Variants in URB1 observed in about 807,000 individuals in gnomAD.
The protein encoded by URB1 is nucleolar pre-ribosomal-associated protein 1.
A neutral mutation model predicts 242.3 loss-of-function variants in URB1; 197 were observed. The ratio of observed to expected loss-of-function variants is 0.81; its 90% CI spans 0.72 to 0.91. URB1 has a LOEUF of 0.91. Ranked by LOEUF, URB1 falls within the 40% of genes least tolerant of loss-of-function variation. URB1 has a pLI of 0.00. For synonymous variants in URB1, 1,153 were observed against 1,201.8 expected (o/e 0.96, Z 0.84); for missense variants, 2,721 against 2,860.5 (o/e 0.95, Z 1.11).
At chr21:32,360,966 C>G (rs1048922311) in intron 13 of URB1, 41 bp downstream of exon 13, 2 of 1,427,314 alleles carry the variant, frequency 1.4e-6, no homozygotes, top group Middle Eastern at 1.8e-4. Context: ...GGTTTATTGG[C>G]AGCAACAGTG....
chr21:32,382,069 G>T (rs2146052770), intron 4 of URB1, among the ~76,000 whole-genome samples: 1 of 152,324 alleles, frequency 6.6e-6, no homozygotes, highest in East Asian at 1.9e-4. Context: ...ACCCTGAGAT[G>T]AAACGGCTTG....
rs1321359773 is a variant in URB1 at position 32,314,661 on chromosome 21, C to CT, written c.*256dup. The CT allele has an allele frequency of 6.2e-7, 1 of 1,612,750 alleles. No homozygotes were observed. Among genetic ancestry groups the CT allele is most frequent in the Non-Finnish European group, 8.5e-7 (1 of 1,178,836 alleles). ...GAGGAAGGGGCGGCCTGACGAGGCACTGGATGGGCCTCATGGCCTAGAAGT... is the reference window on the plus strand; with the variant it reads ...GAGGAAGGGGCGGCCTGACGAGGCACTTGGATGGGCCTCATGGCCTAGAAGT... On this transcript the variant is annotated 3_prime_UTR_variant, in exon 39 of 39. Transcript: ENST00000382751.
In URB1 at chr21:32,357,605, G is replaced by A. The variant is rs528500762; in HGVS notation, c.1921C>T (p.Leu641=). 1.7e-5 allele frequency: 26 copies of A among 1,536,506 alleles called. No individual in the cohort carries two copies. In the African/African-American group the frequency reaches 2.9e-4, roughly 17 times the overall value. The stretch of plus-strand genomic sequence containing the variant: ...CTACTGGTCACAAACATTTTCATTA[G>A]TAAGTAAAATACTGATCGTTCACCT... ...IGGERSVFYL[L]MKMFVTSSHL... is the part of the protein sequence containing the mutation. The change falls in exon 15 of 39, where the codon CTA becomes TTA. Residue 641 remains leucine (L), a synonymous_variant. Coordinates refer to ENST00000382751, the MANE Select transcript of URB1 (RefSeq NM_014825.3).
At chr21:32,332,425 T>C (rs1442617125) in intron 30 of URB1, among the ~76,000 whole-genome samples, 2 of 122,562 alleles carry the variant, frequency 1.6e-5, no homozygotes, top group Non-Finnish European at 1.7e-5. Flanking sequence ...CAAGGACTAG[T>C]ATCTGGAATA....
At chr21:32,345,221 C>T (rs1193827716) in intron 23 of URB1, among the ~76,000 whole-genome samples, 153 bp downstream of exon 23, 2 of 152,008 alleles carry the variant, frequency 1.3e-5, no homozygotes, top group Admixed American at 6.6e-5. Context: ...AAGCTCCAGG[C>T]AGGATGGCTG....
At position 32,319,221 on chromosome 21, in the gene URB1, G is replaced by A; in HGVS notation, c.5788C>T (p.Leu1930=). The change falls in exon 36 of 39, where the codon CTG becomes TTG. Residue 1930 remains leucine (L), a synonymous_variant. Coordinates refer to ENST00000382751, the MANE Select transcript of URB1 (RefSeq NM_014825.3). ...CCTGGCGGGGGCAGGACTCACCTCAGGTGCTTCATGAGCACGATGAGAACA... is the reference window on the plus strand; with the variant it reads ...CCTGGCGGGGGCAGGACTCACCTCAAGTGCTTCATGAGCACGATGAGAACA... The part of the protein sequence containing the change: ...LYVLIVLMKH[L]RPTLAPVQLT... The A allele has an allele frequency of 1.3e-6, 2 of 1,549,132 alleles. No homozygotes were observed. The highest frequency in any genetic ancestry group is 1.7e-6 in the Non-Finnish European group (2 of 1,146,064).
rs1601114383 is a variant in URB1 at position 32,314,401 on chromosome 21, T to C, written c.*517A>G. 1.5e-6 allele frequency: 1 copy of C among 663,906 alleles called. No homozygotes were observed. Among genetic ancestry groups the C allele is most frequent in the East Asian group, 3.0e-5 (1 of 33,318 alleles). The allele number at this position is 663,906 out of a possible 1,614,324, so 41.1% of individuals were successfully genotyped here. ...GGTTTCACCATGTTGGGAAGGCTGG[T>C]TTCGAACTCCTGACCTCAGGTGATT... On this transcript the variant is annotated 3_prime_UTR_variant, in exon 39 of 39. Transcript: ENST00000382751.
At position 32,325,314 on chromosome 21, in the gene URB1, T is replaced by C; in HGVS notation, c.5036A>G (p.Asp1679Gly). Residue 1679 changes from aspartate to glycine, a missense_variant, in exon 31 of 39, where the codon GAC becomes GGC. Transcript: ENST00000382751. ...GLTVTALSSY[D>G]PQMRAIAYHV... is the part of the protein sequence containing the mutation. ...GTAGGCTATGGCTCGCATCTGGGGG[T>C]CATAGCTGCTGAGGGCTGTGACAGT... 1 of 1,551,424 alleles carries C rather than the reference T, an allele frequency of 6.4e-7. No individual in the cohort carries two copies. Among genetic ancestry groups the C allele is most frequent in the Non-Finnish European group, 8.7e-7 (1 of 1,146,934 alleles).
At chr21:32,360,289 T>C (rs2033268898) in intron 13 of URB1, among the ~76,000 whole-genome samples, 1 of 152,228 alleles carries the variant, frequency 6.6e-6, no homozygotes, top group Non-Finnish European at 1.5e-5. Context: ...TGCAGCCACC[T>C]GCACCTGAGA....
intron 23 of URB1, 90 bp from the exon 24 acceptor site, chr21:32,344,846 G>C (rs2033067740): frequency 7.2e-7 from 1 of 1,380,518 alleles, no homozygotes; most frequent in East Asian, 2.5e-5. Context: ...AGCCATATGG[G>C]ATAGATGCTG....
intron 30 of URB1, among the ~76,000 whole-genome samples, chr21:32,332,219 A>G (rs1232862668): frequency 1.3e-5 from 2 of 152,170 alleles, no homozygotes; most frequent in African/African-American, 2.4e-5. Context: ...AAACTTTTAG[A>G]TAGAAACATA....
chr21:32,329,251 G>C (rs1236913154), intron 30 of URB1, among the ~76,000 whole-genome samples: 1 of 152,170 alleles, frequency 6.6e-6, no homozygotes, highest in Non-Finnish European at 1.5e-5. Flanking sequence ...AGGTGACAGA[G>C]TGAGACCCTG....
intron 7 of URB1, 24 bp downstream of exon 7, chr21:32,373,623 A>T (rs2033428621): frequency 1.3e-6 from 2 of 1,525,214 alleles, no homozygotes; most frequent in Admixed American, 4.6e-5. Flanking sequence ...AACGAGGTCA[A>T]CGAAAACCAA....
chr21:32,318,427 G>C (rs181203054), intron 36 of URB1, among the ~76,000 whole-genome samples: 191 of 152,328 alleles, frequency 1.3e-3, no homozygotes, highest in African/African-American at 4.6e-3. Context: ...CATAAAACCA[G>C]TATTTTAAAT....
chr21:32,390,413 T>G (rs2033625104), intron 1 of URB1, among the ~76,000 whole-genome samples: 1 of 152,168 alleles, frequency 6.6e-6, no homozygotes, highest in Admixed American at 6.5e-5. Flanking sequence ...TTTGGCTGCA[T>G]AAATGTCTTC....
intron 31 of URB1, 88 bp from the exon 32 acceptor site, chr21:32,324,690 G>A (rs2070377): frequency 0.13 from 126,617 of 975,312 alleles, 10,568 homozygotes; most frequent in African/African-American, 0.36. Flanking sequence ...ACCAGGGCTC[G>A]GCAGGGTGTG....
intron 5 of URB1, among the ~76,000 whole-genome samples, chr21:32,376,950 C>T (rs979694902): frequency 6.6e-6 from 1 of 152,132 alleles, no homozygotes; most frequent in Non-Finnish European, 1.5e-5. Flanking sequence ...GTGTGAGCCA[C>T]GACGGCCAGC....
At chr21:32,358,871 G>A (rs2033253558) in intron 14 of URB1, among the ~76,000 whole-genome samples, 1 of 152,116 alleles carries the variant, frequency 6.6e-6, no homozygotes, top group Non-Finnish European at 1.5e-5. Flanking sequence ...TCATGGACAG[G>A]ACCCTGCAGA....
At chr21:32,365,209 T>C (rs1299952873) in intron 10 of URB1, among the ~76,000 whole-genome samples, 5 of 151,770 alleles carry the variant, frequency 3.3e-5, no homozygotes, top group Non-Finnish European at 4.4e-5. Context: ...CTTTGGGAGG[T>C]TGAGGTGGGA....
Sources: gnomAD v4.1 joint callset for allele counts (sites outside exome capture counted in the v4.1 genomes callset) on GRCh38, gnomAD v4.1.1 for gene constraint, MANE v1.5 for transcripts, NCBI Gene and HGNC (gene_info 2026-07-23, HGNC 2026-07-21) for gene names.